TXNRD1: variants seen among roughly 807,000 people sequenced by gnomAD.
The protein encoded by TXNRD1 is thioredoxin reductase 1.
A neutral mutation model predicts 80.3 loss-of-function variants in TXNRD1; 57 were observed. The observed-to-expected ratio is 0.71, with a 90% CI of 0.57 to 0.89. The LOEUF is 0.89. Among genes scored for constraint, TXNRD1 ranks in the 40% least tolerant of loss-of-function variants. TXNRD1 has a pLI of 0.00. For missense variants in TXNRD1, 730 were observed against 803.0 expected, an observed-to-expected ratio of 0.91 and a Z score of 1.10; for synonymous variants, 291 against 285.2, an observed-to-expected ratio of 1.02 and a Z score of -0.20.
chr12:104,254,419 C>T (rs190168590), intron 2 of TXNRD1, among the ~76,000 whole-genome samples: 8 of 151,738 alleles, frequency 5.3e-5, no homozygotes, highest in African/African-American at 1.7e-4. Flanking sequence ...TTAATCCTAT[C>T]AGTGGGTAAA....
chr12:104,313,121 A>G (rs35507750), intron 5 of TXNRD1, 124 bp from the exon 6 acceptor site: 6 of 645,490 alleles, frequency 9.3e-6, no homozygotes, highest in Admixed American at 8.4e-5. Flanking sequence ...TGAAGTACCC[A>G]GGTATTAATT....
chr12:104,310,730 A>G (rs1286397932), intron 4 of TXNRD1, among the ~76,000 whole-genome samples: 1 of 152,216 alleles, frequency 6.6e-6, no homozygotes, highest in Non-Finnish European at 1.5e-5. Context: ...TGCATATGCA[A>G]ATTAAAGGAA....
Position 104,222,815 on chromosome 12 carries a change from C to T in TXNRD1, c.91+6922C>T, listed in dbSNP as rs140248665. 4.9e-3 allele frequency among the ~76,000 whole-genome samples: 739 copies of T among 152,318 alleles called. 6 individuals carry two copies. The highest frequency in any genetic ancestry group is 0.017 in the African/African-American group (706 of 41,568). On this transcript the variant is annotated intron_variant, in intron 1 of 16. Coordinates refer to ENST00000525566, the MANE Select transcript of TXNRD1 (RefSeq NM_001093771.3). ...GCAGTGAGCCGAGATTGCACTGCTG[C>T]ACTCCAGCCTGGGTGAAATAGTGAG...
intron 1 of TXNRD1, among the ~76,000 whole-genome samples, chr12:104,230,519 G>T (rs1006798667): frequency 6.6e-6 from 1 of 152,116 alleles, no homozygotes; most frequent in African/African-American, 2.4e-5. Context: ...CATCCTAGTG[G>T]TGTGAAGTGG....
At chr12:104,299,392 G>A (rs1004085134) in intron 4 of TXNRD1, among the ~76,000 whole-genome samples, 2 of 151,586 alleles carry the variant, frequency 1.3e-5, no homozygotes, top group Admixed American at 6.6e-5. Context: ...ACAGATATCT[G>A]TCTTATCATA....
At chr12:104,295,651 C>T (rs1303179649) in intron 4 of TXNRD1, among the ~76,000 whole-genome samples, 5 of 152,188 alleles carry the variant, frequency 3.3e-5, no homozygotes, top group Admixed American at 1.3e-4. Flanking sequence ...ATTTCAACAC[C>T]TGTCTTCTCT....
At chr12:104,248,803 G>T (rs2033049671) in intron 1 of TXNRD1, among the ~76,000 whole-genome samples, 1 of 152,094 alleles carries the variant, frequency 6.6e-6, no homozygotes, top group Non-Finnish European at 1.5e-5. Context: ...TAATTAATTG[G>T]CACAGATGTT....
chr12:104,292,385 G>GC (rs1484496293), intron 4 of TXNRD1, among the ~76,000 whole-genome samples: 310 of 131,836 alleles, frequency 2.4e-3, no homozygotes, highest in Middle Eastern at 3.8e-3. Context: ...ATCTACCCCC[G>GC]CCCCCCCGCC....
rs967922108 is a variant in TXNRD1, at chr12:104,312,817, A to T, written c.538-428A>T. 2.6e-5 allele frequency among the ~76,000 whole-genome samples: 4 copies of T among 152,196 alleles called. 1 individual carries two copies. Among genetic ancestry groups the T allele is most frequent in the Admixed American group, 2.6e-4 (4 of 15,276 alleles). ...GAAACCAAATTAGATTAAACTTTAA[A>T]ATGATTTTTAAAATATCACCTTATA... is the stretch of plus-strand genomic sequence containing the variant. On this transcript the variant is annotated intron_variant, in intron 5 of 16. Transcript: ENST00000525566.
At chr12:104,318,111 T>A (rs2035394632) in intron 7 of TXNRD1, among the ~76,000 whole-genome samples, 1 of 152,244 alleles carries the variant, frequency 6.6e-6, no homozygotes. Context: ...ATTGAGCCAC[T>A]GCATTCCAGT....
chr12:104,345,612 C>A (rs1354046689), intron 16 of TXNRD1, among the ~76,000 whole-genome samples: 1 of 126,078 alleles, frequency 7.9e-6, no homozygotes, highest in African/African-American at 3.1e-5. Context: ...ACCTGAGCCG[C>A]AGTCATTGAG....
At chr12:104,252,784 G>A (rs1319562053) in intron 2 of TXNRD1, among the ~76,000 whole-genome samples, 1 of 130,030 alleles carries the variant, frequency 7.7e-6, no homozygotes, top group Non-Finnish European at 1.5e-5. Context: ...CTCACTGCAA[G>A]CTCCGTCTCC....
intron 4 of TXNRD1, among the ~76,000 whole-genome samples, chr12:104,296,948 G>A (rs188249186): frequency 5.3e-5 from 8 of 152,250 alleles, no homozygotes; most frequent in Admixed American, 6.5e-5. Context: ...TGTTGACATC[G>A]GGCTAGGCAC....
chr12:104,276,444 A>G (rs751600684), intron 3 of TXNRD1, among the ~76,000 whole-genome samples: 2 of 152,216 alleles, frequency 1.3e-5, no homozygotes, highest in Non-Finnish European at 2.9e-5. Flanking sequence ...AACATCAAGG[A>G]ATTTTGCAAG....
intron 15 of TXNRD1, among the ~76,000 whole-genome samples, chr12:104,334,683 A>G (rs780896667): frequency 6.6e-6 from 1 of 152,168 alleles, no homozygotes; most frequent in Non-Finnish European, 1.5e-5. Flanking sequence ...AGTTTTTAAT[A>G]TATAGCTTAG....
chr12:104,270,974 C>A (rs1181109349), intron 3 of TXNRD1, among the ~76,000 whole-genome samples: 1 of 151,774 alleles, frequency 6.6e-6, no homozygotes, highest in African/African-American at 2.4e-5. Flanking sequence ...CATGGTGAAA[C>A]CCTGTCTCTG....
intron 4 of TXNRD1, among the ~76,000 whole-genome samples, chr12:104,300,694 G>A (rs576601467): frequency 2.0e-5 from 3 of 152,040 alleles, no homozygotes; most frequent in Non-Finnish European, 2.9e-5. Flanking sequence ...TTTTTGAGGC[G>A]GGGTTTCGCT....
chr12:104,328,186 AAAAAG>A (rs918392609), intron 13 of TXNRD1, among the ~76,000 whole-genome samples: 1 of 152,026 alleles, frequency 6.6e-6, no homozygotes, highest in Non-Finnish European at 1.5e-5. Context: ...TAAAAAAAAA[AAAAAG>A]AAAATTGACA....
At chr12:104,310,442 C>T (rs1475014477) in intron 4 of TXNRD1, among the ~76,000 whole-genome samples, 1 of 152,318 alleles carries the variant, frequency 6.6e-6, no homozygotes, top group East Asian at 1.9e-4. Context: ...AGCCACTGTG[C>T]CTGGCCTACT....
Sources: gnomAD v4.1 joint callset for allele counts (sites outside exome capture counted in the v4.1 genomes callset) on GRCh38, gnomAD v4.1.1 for gene constraint, MANE v1.5 for transcripts, NCBI Gene and HGNC (gene_info 2026-07-23, HGNC 2026-07-21) for gene names.